ETNK1: variants seen among roughly 807,000 people sequenced by gnomAD.
ETNK1 encodes the protein putative protein product of Nbla10396.
In ETNK1, 8 loss-of-function variants were observed where a neutral mutation model predicts 45.1. That is an observed-to-expected ratio of 0.18 (90% confidence interval 0.10 to 0.32). The LOEUF (loss-of-function observed/expected upper bound fraction) is 0.32. ETNK1 is among the 10% of genes least tolerant of loss of function. The pLI is 1.00. For missense variants in ETNK1, 302 were observed against 430.6 expected, an observed-to-expected ratio of 0.70 and a Z score of 2.64; for synonymous variants, 152 against 151.9, an observed-to-expected ratio of 1.00 and a Z score of -0.01.
chr12:22,636,792 A>G (rs933895969), intron 1 of ETNK1, among the ~76,000 whole-genome samples: 2 of 152,240 alleles, frequency 1.3e-5, no homozygotes, highest in Non-Finnish European at 2.9e-5. Flanking sequence ...TAGGTATTAG[A>G]AGTAATCTAG....
intron 1 of ETNK1, among the ~76,000 whole-genome samples, chr12:22,641,996 A>G (rs1444614051): frequency 6.6e-6 from 1 of 152,164 alleles, no homozygotes; most frequent in Non-Finnish European, 1.5e-5. Flanking sequence ...AATGTATAAT[A>G]TAGCATGGTC....
intron 1 of ETNK1, chr12:22,625,787 G>A: frequency 1.3e-6 from 1 of 796,788 alleles, no homozygotes; most frequent in Non-Finnish European, 2.1e-6. Flanking sequence ...CTTTGAGATT[G>A]ACCTGAGGCA....
At chr12:22,674,225 CATT>C (rs941386344) in intron 6 of ETNK1, among the ~76,000 whole-genome samples, 17 of 152,060 alleles carry the variant, frequency 1.1e-4, no homozygotes, top group Admixed American at 7.2e-4. Flanking sequence ...AAAATGAGCT[CATT>C]ATCTTTTGAG....
intron 6 of ETNK1, among the ~76,000 whole-genome samples, chr12:22,675,324 G>C (rs1239748091): frequency 6.6e-6 from 1 of 151,694 alleles, no homozygotes; most frequent in African/African-American, 2.4e-5. Context: ...CTCCCAAAGT[G>C]CTGGGAATTT....
intron 2 of ETNK1, among the ~76,000 whole-genome samples, chr12:22,656,261 A>T (rs1953939627): frequency 6.6e-6 from 1 of 152,190 alleles, no homozygotes; most frequent in Non-Finnish European, 1.5e-5. Flanking sequence ...CTTGAAATAT[A>T]TATTTGCTCT....
At chr12:22,641,985 A>ATGTCTGTTTT (rs1953745568) in intron 1 of ETNK1, among the ~76,000 whole-genome samples, 2 of 152,184 alleles carry the variant, frequency 1.3e-5, no homozygotes, top group East Asian at 3.8e-4. Flanking sequence ...TTGTACAAAT[A>ATGTCTGTTTT]AATGTATAAT....
At chr12:22,627,970 A>G (rs1953527279) in intron 1 of ETNK1, among the ~76,000 whole-genome samples, 1 of 152,124 alleles carries the variant, frequency 6.6e-6, no homozygotes, top group African/African-American at 2.4e-5. Flanking sequence ...TTGTGGGTAC[A>G]TGGAGTAAAT....
At chr12:22,679,702 G>GTTTTTTTT (rs71444173) in intron 6 of ETNK1, among the ~76,000 whole-genome samples, 12 of 128,522 alleles carry the variant, frequency 9.3e-5, no homozygotes, top group Non-Finnish European at 1.4e-4. Context: ...TTGGTTTTTT[G>GTTTTTTTT]TTTTTTTTTT....
At chr12:22,637,862 C>CGA (rs142902265) in intron 1 of ETNK1, among the ~76,000 whole-genome samples, 34,646 of 150,848 alleles carry the variant, frequency 0.23, 4,805 homozygotes, top group Non-Finnish European at 0.33. Flanking sequence ...AGTGACAGAG[C>CGA]GAGAGAGAGA....
rs774869938 is a variant in ETNK1 at position 22,643,928 on chromosome 12, C to G, written c.322C>G (p.Gln108Glu). The part of the protein sequence containing the change: ...RVLQAHGCAP[Q>E]LYCTFNNGLC... Reference sequence around the variant, plus strand: ...GTTGCAGGCTCATGGGTGTGCACCACAACTCTACTGTACCTTCAATAATGG... The same window carrying G: ...GTTGCAGGCTCATGGGTGTGCACCAGAACTCTACTGTACCTTCAATAATGG... Residue 108 changes from glutamine (Q) to glutamate (E), a missense_variant, in exon 2 of 8, where the codon CAA (glutamine) becomes GAA (glutamate). Gln to Glu is a conservative substitution (Grantham distance 29). Around this residue, in one of 3 missense-constraint regions of ETNK1, gnomAD observed 205 missense variants for 259.9 expected, o/e 0.79. Coordinates refer to ENST00000266517, the MANE Select transcript of ETNK1 (RefSeq NM_018638.5). The G allele has an allele frequency of 2.5e-6, 4 of 1,613,336 alleles. No homozygotes were observed. Among genetic ancestry groups the G allele is most frequent in the African/African-American group, 2.7e-5 (2 of 74,864 alleles).
At chr12:22,661,950 C>T (rs984099007) in intron 4 of ETNK1, among the ~76,000 whole-genome samples, 9 of 151,812 alleles carry the variant, frequency 5.9e-5, no homozygotes, top group Non-Finnish European at 1.5e-5. Context: ...AGATGCCCTT[C>T]AATGCTAAAT....
intron 6 of ETNK1, among the ~76,000 whole-genome samples, chr12:22,683,992 G>T (rs1340914897): frequency 6.6e-5 from 10 of 152,060 alleles, no homozygotes; most frequent in Admixed American, 6.6e-4. Context: ...GTTGTGGTCT[G>T]TTATGCAGAA....
At chr12:22,629,512 A>C (rs1371053580) in intron 1 of ETNK1, among the ~76,000 whole-genome samples, 2 of 152,178 alleles carry the variant, frequency 1.3e-5, no homozygotes, top group East Asian at 3.8e-4. Context: ...AAAAACCTGT[A>C]ACTCCTCTTA....
chr12:22,645,409 C>T (rs894889613), intron 2 of ETNK1, among the ~76,000 whole-genome samples: 3 of 151,674 alleles, frequency 2.0e-5, no homozygotes, highest in Non-Finnish European at 4.4e-5. Flanking sequence ...TGATCAAGAA[C>T]AGTGAAGGTT....
chr12:22,659,166 T>G lies in ETNK1; in HGVS notation c.557+12T>G. The stretch of plus-strand genomic sequence containing the variant: ...GACATTAATAAAAGGTAAAATTATT[T>G]TTACATTTGAAATTATGTTTTACAT... On this transcript the variant is annotated intron_variant, in intron 3 of 7. Transcript: ENST00000266517. 1 of 1,608,414 alleles carries G rather than the reference T, an allele frequency of 6.2e-7. No individual in the cohort carries two copies.
rs552886415 is a variant in ETNK1 at position 22,687,763 on chromosome 12, T to C, written c.*2809T>C. ...TAAAAATTTGTAAATTAGTGTGAAC[T>C]GTATCTTGCATATGAGACTGTGTAT... On this transcript the variant is annotated 3_prime_UTR_variant, in exon 8 of 8. Coordinates refer to ENST00000266517, the MANE Select transcript of ETNK1 (RefSeq NM_018638.5). 6.6e-6 allele frequency: 1 copy of C among 152,442 alleles called. No individual in the cohort carries two copies. Among genetic ancestry groups the C allele is most frequent in the African/African-American group, 2.4e-5 (1 of 41,560 alleles). The allele number at this position is 152,442 out of a possible 1,614,324, so 9.4% of individuals were successfully genotyped here.
At chr12:22,637,715 A>T (rs1953673423) in intron 1 of ETNK1, among the ~76,000 whole-genome samples, 1 of 152,210 alleles carries the variant, frequency 6.6e-6, no homozygotes, top group Non-Finnish European at 1.5e-5. Flanking sequence ...GTTACAGAGG[A>T]AACAAACTAT....
chr12:22,648,217 A>G (rs1482769627), intron 2 of ETNK1, among the ~76,000 whole-genome samples: 2 of 151,912 alleles, frequency 1.3e-5, no homozygotes, highest in African/African-American at 4.8e-5. Context: ...TTGATGCACC[A>G]TTATCACCCA....
chr12:22,662,473 C>T (rs1954015148), intron 4 of ETNK1, among the ~76,000 whole-genome samples: 1 of 150,256 alleles, frequency 6.7e-6, no homozygotes, highest in African/African-American at 2.4e-5. Flanking sequence ...TGGCTCACTG[C>T]AGCCTTCAAC....
Sources: allele counts gnomAD v4.1 joint callset (sites outside exome capture counted in the v4.1 genomes callset), GRCh38; gene constraint gnomAD v4.1.1; regional missense constraint gnomAD v4.1.1; transcripts MANE v1.5; gene names NCBI Gene and HGNC (gene_info 2026-07-23, HGNC 2026-07-21).